CRB1: variants seen among roughly 807,000 people sequenced by gnomAD.
CRB1 encodes the protein crumbs cell polarity complex component 1, also known as protein crumbs homolog 1.
CRB1 carries 83 observed loss-of-function variants against 120.0 expected under a neutral mutation model. The observed-to-expected ratio is 0.69, with a 90% CI of 0.58 to 0.83. CRB1 has a LOEUF of 0.83. CRB1 is among the 40% of genes least tolerant of loss of function. The pLI, the probability that CRB1 is intolerant of heterozygous loss-of-function variation, is 0.00. For synonymous variants in CRB1, 625 were observed against 612.5 expected (o/e 1.02, Z -0.30); for missense variants, 1,699 against 1,687.6 (o/e 1.01, Z -0.12).
chr1:197,279,604 C>A (rs565962261), intron 1 of CRB1, among the ~76,000 whole-genome samples: 5 of 147,990 alleles, frequency 3.4e-5, no homozygotes, highest in Non-Finnish European at 7.4e-5. Flanking sequence ...TGTTGTTTAA[C>A]TCTTTCTACT....
chr1:197,477,317 C>T (rs555297811), intron 11 of CRB1, among the ~76,000 whole-genome samples: 4 of 152,246 alleles, frequency 2.6e-5, no homozygotes, highest in South Asian at 2.1e-4. Context: ...ATGAATAATA[C>T]GTGGCTATAG....
intron 5 of CRB1, 135 bp from the exon 6 acceptor site, chr1:197,420,865 T>C (rs1000566205): frequency 2.9e-6 from 2 of 689,082 alleles, no homozygotes; most frequent in East Asian, 5.2e-5. Flanking sequence ...TTATTAAGTG[T>C]TTACATTTTA....
At chr1:197,339,700 T>C (rs1195803112) in intron 2 of CRB1, among the ~76,000 whole-genome samples, 1 of 152,226 alleles carries the variant, frequency 6.6e-6, no homozygotes, top group East Asian at 1.9e-4. Context: ...ATAATGTCCA[T>C]TATCTTGTGG....
At chr1:197,390,710 G>T (rs1028945609) in intron 5 of CRB1, among the ~76,000 whole-genome samples, 6 of 151,946 alleles carry the variant, frequency 3.9e-5, no homozygotes, top group African/African-American at 1.2e-4. Context: ...TTAAAGACGT[G>T]AATTTTTTTA....
At chr1:197,388,057 A>G (rs1456234270) in intron 5 of CRB1, among the ~76,000 whole-genome samples, 1 of 152,010 alleles carries the variant, frequency 6.6e-6, no homozygotes, top group African/African-American at 2.4e-5. Context: ...AATTACATAA[A>G]CATCATTTTA....
intron 1 of CRB1, among the ~76,000 whole-genome samples, chr1:197,291,659 G>C (rs545385899): frequency 4.6e-5 from 7 of 151,862 alleles, no homozygotes; most frequent in African/African-American, 1.7e-4. Flanking sequence ...TGTCTTTTCA[G>C]TTTCCAGAGT....
intron 11 of CRB1, among the ~76,000 whole-genome samples, chr1:197,458,951 A>T (rs1666406073): frequency 6.6e-6 from 1 of 152,070 alleles, no homozygotes; most frequent in Admixed American, 6.6e-5. Flanking sequence ...TTCATGGAGG[A>T]TACGGAAATT....
At chr1:197,272,174 T>C (rs1654943436) in intron 1 of CRB1, among the ~76,000 whole-genome samples, 1 of 152,182 alleles carries the variant, frequency 6.6e-6, no homozygotes, top group Non-Finnish European at 1.5e-5. Flanking sequence ...TCACATACTC[T>C]TAAAATTCTA....
chr1:197,459,679 A>G (rs974101089), intron 11 of CRB1, among the ~76,000 whole-genome samples: 10 of 152,100 alleles, frequency 6.6e-5, no homozygotes, highest in African/African-American at 2.4e-4. Flanking sequence ...AAACATTCAG[A>G]CCATGGCAGG....
intron 11 of CRB1, among the ~76,000 whole-genome samples, chr1:197,461,396 C>T (rs781310092): frequency 6.6e-6 from 1 of 152,090 alleles, no homozygotes; most frequent in Non-Finnish European, 1.5e-5. Context: ...GGAGAAAATG[C>T]ACACCTTTGT....
chr1:197,319,780 G>A (rs1658080967), intron 1 of CRB1, among the ~76,000 whole-genome samples: 1 of 152,080 alleles, frequency 6.6e-6, no homozygotes, highest in South Asian at 2.1e-4. Flanking sequence ...ATGGCAAATG[G>A]ATGAAAAACT....
chr1:197,201,843 GA>G, the CRB1 span, among the ~76,000 whole-genome samples: 1 of 151,320 alleles, frequency 6.6e-6, no homozygotes, highest in African/African-American at 2.4e-5. Flanking sequence ...CGATTACTAA[GA>G]AAAAAAATTT....
At chr1:197,459,836 T>A (rs1156310011) in intron 11 of CRB1, among the ~76,000 whole-genome samples, 1 of 152,060 alleles carries the variant, frequency 6.6e-6, no homozygotes, top group African/African-American at 2.4e-5. Flanking sequence ...AAATATATAA[T>A]GTTATGTAGA....
chr1:197,243,456 A>T, the CRB1 span, among the ~76,000 whole-genome samples: 1 of 151,960 alleles, frequency 6.6e-6, no homozygotes, highest in Admixed American at 6.6e-5. Context: ...ATTCAGGAGG[A>T]GGTTTTCTGT....
the CRB1 span, among the ~76,000 whole-genome samples, chr1:197,261,040 A>G: frequency 6.6e-6 from 1 of 152,196 alleles, no homozygotes; most frequent in Non-Finnish European, 1.5e-5. Context: ...TGAATATGAT[A>G]TGAGTTGGCA....
intron 4 of CRB1, among the ~76,000 whole-genome samples, 179 bp downstream of exon 4, chr1:197,347,658 G>T (rs1038304277): frequency 6.6e-6 from 1 of 152,108 alleles, no homozygotes; most frequent in African/African-American, 2.4e-5. Flanking sequence ...ACTAAATGTT[G>T]TCTGAAGTAG....
intron 5 of CRB1, among the ~76,000 whole-genome samples, chr1:197,394,933 G>C (rs1662698303): frequency 6.6e-6 from 1 of 152,078 alleles, no homozygotes; most frequent in Admixed American, 6.6e-5. Context: ...TTATGCCTCG[G>C]TTAGTTCCTA....
At chr1:197,383,845 T>A (rs968325101) in intron 5 of CRB1, among the ~76,000 whole-genome samples, 1 of 152,180 alleles carries the variant, frequency 6.6e-6, no homozygotes, top group African/African-American at 2.4e-5. Flanking sequence ...TACCATTTAG[T>A]GTAAACTACC....
chr1:197,296,205 C>T (rs899065093), intron 1 of CRB1, among the ~76,000 whole-genome samples: 2 of 151,988 alleles, frequency 1.3e-5, no homozygotes, highest in Admixed American at 6.6e-5. Flanking sequence ...CAGGTAAAAT[C>T]AGGGGCTCTA....
Sources: gnomAD v4.1 joint callset for allele counts (sites outside exome capture counted in the v4.1 genomes callset) on GRCh38, gnomAD v4.1.1 for gene constraint, MANE v1.5 for transcripts, NCBI Gene and HGNC (gene_info 2026-07-23, HGNC 2026-07-21) for gene names.